The following TNFAIP6 variants were observed in gnomAD, a reference collection of about 807,000 sequenced individuals.
TNFAIP6 encodes the protein TNF alpha induced protein 6.
A neutral mutation model predicts 33.7 loss-of-function variants in TNFAIP6; 36 were observed. The ratio of observed to expected loss-of-function variants is 1.07; its 90% confidence interval spans 0.82 to 1.41. The LOEUF (loss-of-function observed/expected upper bound fraction) is 1.41, where lower values mean the gene tolerates loss of function less well. Among genes scored for constraint, TNFAIP6 ranks in the 40% most tolerant of loss-of-function variants. The pLI is 0.00. For missense variants in TNFAIP6, 273 were observed against 331.9 expected, an observed-to-expected ratio of 0.82 and a Z score of 1.38; for synonymous variants, 113 against 112.8, an observed-to-expected ratio of 1.00 and a Z score of -0.01.
At chr2:151,378,695 G>T (rs992662520) in intron 5 of TNFAIP6, among the ~76,000 whole-genome samples, 1 of 151,714 alleles carries the variant, frequency 6.6e-6, no homozygotes, top group Admixed American at 6.6e-5. Flanking sequence ...CACCATGTTG[G>T]TCAGGCTGGT....
rs1356961459 is a variant in TNFAIP6, at chr2:151,364,039, A to G, written c.191A>G (p.His64Arg). The G allele has an allele frequency of 1.9e-6, 3 of 1,614,190 alleles. No individual in the cohort carries two copies. The highest frequency in any genetic ancestry group is 1.7e-6 in the Non-Finnish European group (2 of 1,180,020). ...AKAVCEFEGGHLATYKQLEAA... is the reference protein window; with the variant it reads ...AKAVCEFEGGRLATYKQLEAA... ...GCGGTGTGTGAATTTGAAGGCGGCC[A>G]TCTCGCAACTTACAAGCAGCTAGAG... The change falls in exon 2 of 6, where the codon CAT becomes CGT. Residue 64 changes from histidine to arginine, a missense_variant. His to Arg is a conservative substitution (Grantham distance 29). Transcript: ENST00000243347.
rs1203583734 is a variant in TNFAIP6 at position 151,359,142 on chromosome 2, T to G, written c.94+1382T>G. Among the ~76,000 whole-genome samples, 17 of 152,102 alleles carry G rather than the reference T, an allele frequency of 1.1e-4. 1 individual carries two copies. The highest frequency in any genetic ancestry group is 1.1e-3 in the Admixed American group (17 of 15,270). ...TTAATGTATGCTACAAATCTGAGGG[T>G]CAGGATAATTGCAAATTGCTTCAAT... On this transcript the variant is annotated intron_variant, in intron 1 of 5. Coordinates refer to ENST00000243347, the MANE Select transcript of TNFAIP6 (RefSeq NM_007115.4).
At chr2:151,373,518 T>C in intron 4 of TNFAIP6, 31 bp from the exon 5 acceptor site, 1 of 1,447,832 alleles carries the variant, frequency 6.9e-7, no homozygotes, top group South Asian at 1.4e-5. Context: ...TTCATTTGTG[T>C]GACATCTCTT....
At chr2:151,380,244 A>T (rs1176475615), downstream of TNFAIP6, among the ~76,000 whole-genome samples, 1 of 151,936 alleles carries the variant, frequency 6.6e-6, no homozygotes. Flanking sequence ...TTATTTTTCC[A>T]TGCCTTTTTT....
intron 4 of TNFAIP6, among the ~76,000 whole-genome samples, chr2:151,371,274 T>G (rs1327251859): frequency 3.3e-5 from 5 of 152,152 alleles, no homozygotes; most frequent in Non-Finnish European, 5.9e-5. Flanking sequence ...ATTTTGAGTG[T>G]CTTATGATAT....
intron 4 of TNFAIP6, chr2:151,372,079 A>T (rs978141786): frequency 1.3e-5 from 2 of 152,292 alleles, no homozygotes; most frequent in African/African-American, 4.8e-5. Context: ...TCTGGGCTAC[A>T]GTGCGCTATG....
chr2:151,369,610 A>G (rs988670632), intron 3 of TNFAIP6, among the ~76,000 whole-genome samples: 2 of 152,068 alleles, frequency 1.3e-5, no homozygotes, highest in African/African-American at 4.8e-5. Flanking sequence ...CCATTTCCAC[A>G]CAAAAAAAAT....
chr2:151,376,510 C>T (rs1684909613), intron 5 of TNFAIP6, among the ~76,000 whole-genome samples: 1 of 151,902 alleles, frequency 6.6e-6, no homozygotes, highest in African/African-American at 2.4e-5. Context: ...TGTGCCTACT[C>T]TCCTCACCTC....
At chr2:151,365,917 G>C in intron 2 of TNFAIP6, 139 bp from the exon 3 acceptor site, 2 of 700,588 alleles carry the variant, frequency 2.9e-6, no homozygotes, top group Non-Finnish European at 4.8e-6. Context: ...AATTAAGGAA[G>C]CAATTTTCTC....
At chr2:151,373,494 C>A in intron 4 of TNFAIP6, 55 bp from the exon 5 acceptor site, 1 of 1,040,610 alleles carries the variant, frequency 9.6e-7, no homozygotes, top group Non-Finnish European at 1.4e-6. Flanking sequence ...AGCCACTTTA[C>A]TAGCTGTATA....
intron 3 of TNFAIP6, among the ~76,000 whole-genome samples, chr2:151,369,193 AAAC>A (rs1286696274): frequency 3.9e-5 from 6 of 152,186 alleles, no homozygotes; most frequent in East Asian, 1.9e-4. Context: ...CCATTTCAAA[AAAC>A]AACAACAACA....
At chr2:151,366,578 G>GAA (rs778347690) in intron 3 of TNFAIP6, among the ~76,000 whole-genome samples, 33 of 152,000 alleles carry the variant, frequency 2.2e-4, no homozygotes, top group Non-Finnish European at 4.0e-4. Context: ...CAGCCATAAA[G>GAA]AAAAAGAAAA....
At chr2:151,365,276 G>T (rs907997383) in intron 2 of TNFAIP6, among the ~76,000 whole-genome samples, 3 of 152,110 alleles carry the variant, frequency 2.0e-5, no homozygotes, top group Non-Finnish European at 2.9e-5. Context: ...CCAGGAGGTG[G>T]AGGCTGCAGT....
chr2:151,357,710 C>G lies in TNFAIP6; in HGVS notation c.44C>G (p.Thr15Ser). Residue 15 changes from threonine (T) to serine (S), a missense_variant, in exon 1 of 6, where the codon ACT becomes AGT. Thr to Ser is a moderately conservative substitution (Grantham distance 58, BLOSUM62 1). Transcript: ENST00000243347. ...IYLFLLLWED[T>S]QGWGFKDGIF... Reference sequence around the variant, plus strand: ...TTATTTCTCTTGCTATGGGAAGACACTCAAGGATGGGGATTCAAGGATGGA... The same window carrying G: ...TTATTTCTCTTGCTATGGGAAGACAGTCAAGGATGGGGATTCAAGGATGGA... The G allele has an allele frequency of 6.2e-7, 1 of 1,612,990 alleles. No individual in the cohort carries two copies. The highest frequency in any genetic ancestry group is 8.5e-7 in the Non-Finnish European group (1 of 1,179,028).
At chr2:151,361,356 A>G (rs1684621382) in intron 1 of TNFAIP6, among the ~76,000 whole-genome samples, 14 of 152,174 alleles carry the variant, frequency 9.2e-5, no homozygotes. Flanking sequence ...AATTATAGGC[A>G]TGAGCTACCA....
At chr2:151,379,321 G>A (rs1389333201) in intron 5 of TNFAIP6, 43 bp from the exon 6 acceptor site, 3 of 1,535,800 alleles carry the variant, frequency 2.0e-6, no homozygotes, top group African/African-American at 1.4e-5. Flanking sequence ...CCAAATCAAA[G>A]GAGAGTAACA....
intron 1 of TNFAIP6, among the ~76,000 whole-genome samples, chr2:151,361,322 C>T (rs1412821608): frequency 4.6e-5 from 7 of 152,112 alleles, no homozygotes; most frequent in Non-Finnish European, 5.9e-5. Flanking sequence ...GTGATCCACC[C>T]GCCTCAGCCT....
intron 1 of TNFAIP6, among the ~76,000 whole-genome samples, chr2:151,360,065 G>T (rs935157682): frequency 6.6e-6 from 1 of 152,162 alleles, no homozygotes; most frequent in African/African-American, 2.4e-5. Context: ...GGAGTCTGAG[G>T]TGGGCAGATT....
At position 151,366,036 on chromosome 2, in the gene TNFAIP6, A is replaced by C; in HGVS notation, c.233-20A>C. 6.2e-7 allele frequency: 1 copy of C among 1,613,602 alleles called. No homozygotes were observed. Among genetic ancestry groups the C allele is most frequent in the Non-Finnish European group, 8.5e-7 (1 of 1,179,590 alleles). On this transcript the variant is annotated intron_variant, in intron 2 of 5. Coordinates refer to ENST00000243347, the MANE Select transcript of TNFAIP6 (RefSeq NM_007115.4). ...AAGACAGTTTACCTGTTTAGTCCATAACTCTTTTTCTTCTTGCAGGATTTC... is the reference window on the plus strand; with the variant it reads ...AAGACAGTTTACCTGTTTAGTCCATCACTCTTTTTCTTCTTGCAGGATTTC...
Sources: allele counts gnomAD v4.1 joint callset (sites outside exome capture counted in the v4.1 genomes callset), GRCh38; gene constraint gnomAD v4.1.1; transcripts MANE v1.5; gene names NCBI Gene and HGNC (gene_info 2026-07-23, HGNC 2026-07-21).